The following ABTB3 variants were observed in gnomAD, a reference collection of about 807,000 sequenced individuals.
ABTB3 encodes the protein ankyrin repeat- and BTB/POZ domain-containing protein 3.
the ABTB3 span, among the ~76,000 whole-genome samples, chr12:107,451,488 T>A: frequency 6.6e-6 from 1 of 152,164 alleles, no homozygotes; most frequent in African/African-American, 2.4e-5. Flanking sequence ...CTCTAATTCA[T>A]CCTGTGCACA....
At chr12:107,345,998 G>A in the ABTB3 span, among the ~76,000 whole-genome samples, 1 of 152,176 alleles carries the variant, frequency 6.6e-6, no homozygotes, top group Admixed American at 6.5e-5. Flanking sequence ...GCACCAGTGA[G>A]GAAGCAGACC....
the ABTB3 span, chr12:107,617,151 G>A: frequency 1.8e-4 from 298 of 1,614,038 alleles, no homozygotes; most frequent in Non-Finnish European, 2.3e-4. Flanking sequence ...AGAACTACTC[G>A]GAAACACCCC....
At chr12:107,335,679 C>A in the ABTB3 span, among the ~76,000 whole-genome samples, 1 of 152,174 alleles carries the variant, frequency 6.6e-6, no homozygotes, top group Non-Finnish European at 1.5e-5. Flanking sequence ...ACCCACGGAG[C>A]TGGGATCCCA....
chr12:107,570,646 T>G, the ABTB3 span, among the ~76,000 whole-genome samples: 3 of 152,282 alleles, frequency 2.0e-5, no homozygotes, highest in South Asian at 6.2e-4. Flanking sequence ...ATTCTTGATG[T>G]TTTTTTCCAA....
chr12:107,613,084 G>T, the ABTB3 span, among the ~76,000 whole-genome samples: 1 of 152,202 alleles, frequency 6.6e-6, no homozygotes, highest in African/African-American at 2.4e-5. Context: ...ACCCCAAGGA[G>T]CTGCCTGCAT....
chr12:107,322,045 A>G, the ABTB3 span, among the ~76,000 whole-genome samples: 1 of 152,214 alleles, frequency 6.6e-6, no homozygotes, highest in Non-Finnish European at 1.5e-5. Context: ...ATAGGGGGCT[A>G]GATATGTAAT....
At chr12:107,559,026 G>A in the ABTB3 span, among the ~76,000 whole-genome samples, 1 of 152,222 alleles carries the variant, frequency 6.6e-6, no homozygotes, top group African/African-American at 2.4e-5. Flanking sequence ...CACAAGCAGG[G>A]ACTGGGCTTT....
chr12:107,654,650 T>G, the ABTB3 span, among the ~76,000 whole-genome samples: 1 of 152,176 alleles, frequency 6.6e-6, no homozygotes, highest in Non-Finnish European at 1.5e-5. Context: ...AGTGTAGTAC[T>G]GAGATTTTTG....
chr12:107,400,958 G>A, the ABTB3 span, among the ~76,000 whole-genome samples: 2 of 152,134 alleles, frequency 1.3e-5, no homozygotes, highest in Admixed American at 6.5e-5. Flanking sequence ...GTCGAGGAGC[G>A]ATCAGCCATC....
At chr12:107,508,443 T>TTATTTTTTTTG in the ABTB3 span, among the ~76,000 whole-genome samples, 1 of 74,932 alleles carries the variant, frequency 1.3e-5, no homozygotes, top group Admixed American at 1.7e-4. Flanking sequence ...CATTTCTTTT[T>TTATTTTTTTTG]TTTTTTTTTT....
the ABTB3 span, among the ~76,000 whole-genome samples, chr12:107,403,899 A>C: frequency 6.6e-6 from 1 of 152,152 alleles, no homozygotes; most frequent in Non-Finnish European, 1.5e-5. Context: ...GCGGTGGCTC[A>C]CGCCTGTAAT....
chr12:107,537,766 A>G, the ABTB3 span, among the ~76,000 whole-genome samples: 1 of 151,950 alleles, frequency 6.6e-6, no homozygotes, highest in Admixed American at 6.6e-5. Flanking sequence ...AGCTTCTCAG[A>G]CTCTGCCCTC....
At chr12:107,528,848 T>G in the ABTB3 span, among the ~76,000 whole-genome samples, 1 of 151,866 alleles carries the variant, frequency 6.6e-6, no homozygotes, top group Non-Finnish European at 1.5e-5. Flanking sequence ...ATGGTGATGG[T>G]GATGATGATG....
the ABTB3 span, among the ~76,000 whole-genome samples, chr12:107,582,807 C>T: frequency 6.6e-6 from 1 of 152,196 alleles, no homozygotes; most frequent in South Asian, 2.1e-4. Flanking sequence ...GGGGCACATT[C>T]TGCGTGCAGG....
chr12:107,476,421 T>G, the ABTB3 span, among the ~76,000 whole-genome samples: 2 of 152,254 alleles, frequency 1.3e-5, no homozygotes, highest in African/African-American at 4.8e-5. Context: ...GAGACCTGGA[T>G]TTAGTTCCAT....
chr12:107,601,723 T>C, the ABTB3 span, among the ~76,000 whole-genome samples: 1 of 152,210 alleles, frequency 6.6e-6, no homozygotes, highest in African/African-American at 2.4e-5. Context: ...ATTTTCCTTA[T>C]CTGTGAAATA....
chr12:107,451,420 C>A, the ABTB3 span, among the ~76,000 whole-genome samples: 1 of 152,204 alleles, frequency 6.6e-6, no homozygotes, highest in African/African-American at 2.4e-5. Context: ...CAGAGAGGTG[C>A]ATGTAATGGA....
the ABTB3 span, among the ~76,000 whole-genome samples, chr12:107,405,248 A>G: frequency 1.3e-5 from 2 of 152,220 alleles, no homozygotes; most frequent in African/African-American, 2.4e-5. Flanking sequence ...TAAGCAGGGC[A>G]TAAACTGCAC....
chr12:107,336,434 T>C, the ABTB3 span, among the ~76,000 whole-genome samples: 6 of 150,672 alleles, frequency 4.0e-5, no homozygotes, highest in Non-Finnish European at 7.4e-5. Context: ...TCGTCCCTTA[T>C]TAGCTGAGTC....
Sources: allele counts gnomAD v4.1 joint callset (sites outside exome capture counted in the v4.1 genomes callset), GRCh38; gene constraint gnomAD v4.1.1; transcripts MANE v1.5; gene names NCBI Gene and HGNC (gene_info 2026-07-23, HGNC 2026-07-21).